PPIP5K2: variants seen among roughly 807,000 people sequenced by gnomAD.
PPIP5K2 encodes diphosphoinositol pentakisphosphate kinase 2, also known as inositol hexakisphosphate and diphosphoinositol-pentakisphosphate kinase 2.
PPIP5K2 carries 105 observed loss-of-function variants against 154.6 expected under a neutral mutation model. The observed-to-expected ratio is 0.68, with a 90% CI of 0.58 to 0.80. The LOEUF (loss-of-function observed/expected upper bound fraction) is 0.80, where lower values mean the gene tolerates loss of function less well. Ranked by LOEUF, PPIP5K2 falls within the 30% of genes least tolerant of loss-of-function variation. The pLI is 0.00. For missense variants in PPIP5K2, 992 were observed against 1,504.6 expected (o/e 0.66, Z 5.64); for synonymous variants, 480 against 490.3 (o/e 0.98, Z 0.28).
At chr5:103,144,209 G>A (rs1358678824) in intron 5 of PPIP5K2, among the ~76,000 whole-genome samples, 5 of 150,128 alleles carry the variant, frequency 3.3e-5, no homozygotes, top group Non-Finnish European at 7.4e-5. Context: ...TAAATACCTC[G>A]GAATTCACTT....
At chr5:103,121,666 A>G (rs1464371500) in intron 1 of PPIP5K2, among the ~76,000 whole-genome samples, 3 of 152,266 alleles carry the variant, frequency 2.0e-5, no homozygotes, top group Non-Finnish European at 2.9e-5. Context: ...AGAATTAAGT[A>G]GTGCAGAACC....
At chr5:103,190,199 C>A (rs1418615382) in intron 28 of PPIP5K2, among the ~76,000 whole-genome samples, 2 of 151,876 alleles carry the variant, frequency 1.3e-5, no homozygotes, top group African/African-American at 2.4e-5. Context: ...TAAATAGGAA[C>A]ATATTTGTAT....
chr5:103,157,379 G>A (rs945110675), intron 14 of PPIP5K2, among the ~76,000 whole-genome samples: 4 of 152,036 alleles, frequency 2.6e-5, no homozygotes, highest in Non-Finnish European at 2.9e-5. Context: ...TTTTGTTTGC[G>A]TAAAATTTAT....
chr5:103,180,491 A>G (rs1799344968), intron 24 of PPIP5K2, among the ~76,000 whole-genome samples: 1 of 152,046 alleles, frequency 6.6e-6, no homozygotes, highest in African/African-American at 2.4e-5. Flanking sequence ...GAATATTTAC[A>G]TTAGGTTGAT....
intron 28 of PPIP5K2, among the ~76,000 whole-genome samples, chr5:103,187,839 C>T (rs1800637568): frequency 2.0e-5 from 3 of 152,038 alleles, no homozygotes; most frequent in African/African-American, 4.8e-5. Flanking sequence ...TTGAAAAATT[C>T]CTGGGCACCT....
Position 103,201,416 on chromosome 5 carries a change from A to G in PPIP5K2, c.3620-106A>G, listed in dbSNP as rs1306887954. 4 of 656,044 alleles carry G rather than the reference A, an allele frequency of 6.1e-6. No individual in the cohort carries two copies. In the African/African-American group the frequency reaches 7.5e-5, roughly 12 times the overall value. 40.6% of individuals were successfully genotyped at this position (656,044 alleles called of 1,614,324 possible). The stretch of plus-strand genomic sequence containing the variant: ...TAAATTTTTACATTTCATTTACATC[A>G]CAATTATAACAAGAATTGTTTTGTC... On this transcript the variant is annotated intron_variant, in intron 30 of 30. Coordinates refer to ENST00000358359, the MANE Select transcript of PPIP5K2 (RefSeq NM_001276277.3).
Position 103,209,173 on chromosome 5 carries a change from T to C in PPIP5K2, c.*7539T>C, listed in dbSNP as rs1238341321. ...CTATTTGTTTTTGTTGTAATAGAGT[T>C]GTATATAGTCCAGATGTCAACCAGG... On this transcript the variant is annotated 3_prime_UTR_variant, in exon 31 of 31. Coordinates refer to ENST00000358359, the MANE Select transcript of PPIP5K2 (RefSeq NM_001276277.3). 2.0e-5 allele frequency: 3 copies of C among 152,150 alleles called. No individual in the cohort carries two copies. Among genetic ancestry groups the C allele is most frequent in the Non-Finnish European group, 4.4e-5 (3 of 68,034 alleles). The allele number at this position is 152,150 out of a possible 1,614,324, so 9.4% of individuals were successfully genotyped here.
rs188524021 is a variant in PPIP5K2 at position 103,170,598 on chromosome 5, C to T, written c.2286+2303C>T. On this transcript the variant is annotated intron_variant, in intron 19 of 30. Coordinates refer to ENST00000358359, the MANE Select transcript of PPIP5K2 (RefSeq NM_001276277.3). Reference sequence around the variant, plus strand: ...ATTTTATAAATTGAGGAGAGGACAACTTTGGGTTTATCTCCCTAACTTTTT... The same window carrying T: ...ATTTTATAAATTGAGGAGAGGACAATTTTGGGTTTATCTCCCTAACTTTTT... 3.2e-3 allele frequency among the ~76,000 whole-genome samples: 482 copies of T among 151,022 alleles called. 5 individuals carry two copies. Among genetic ancestry groups the T allele is most frequent in the African/African-American group, 0.011 (454 of 41,310 alleles).
At chr5:103,164,229 TAACA>T (rs1796789656) in intron 17 of PPIP5K2, among the ~76,000 whole-genome samples, 1 of 151,980 alleles carries the variant, frequency 6.6e-6, no homozygotes, top group African/African-American at 2.4e-5. Context: ...TTTTCTTTCA[TAACA>T]TTATACTTTT....
chr5:103,162,357 TTTTTTTTG>T (rs1796413458), intron 17 of PPIP5K2, among the ~76,000 whole-genome samples: 1 of 151,460 alleles, frequency 6.6e-6, no homozygotes, highest in African/African-American at 2.4e-5. Context: ...TTTCTTTTTT[TTTTTTTTG>T]TTTTTTTGTT....
At chr5:103,141,095 A>G (rs1443037530) in intron 5 of PPIP5K2, among the ~76,000 whole-genome samples, 1 of 152,122 alleles carries the variant, frequency 6.6e-6, no homozygotes, top group Admixed American at 6.5e-5. Flanking sequence ...ACACTTTGGG[A>G]GGCCGAGGTG....
chr5:103,145,253 T>C (rs1206537686), intron 5 of PPIP5K2, among the ~76,000 whole-genome samples: 1 of 151,896 alleles, frequency 6.6e-6, no homozygotes, highest in East Asian at 1.9e-4. Context: ...AGACAAGCAA[T>C]AAGAAATGTT....
chr5:103,146,312 T>A (rs1167916583), intron 5 of PPIP5K2, among the ~76,000 whole-genome samples: 1 of 152,044 alleles, frequency 6.6e-6, no homozygotes, highest in Non-Finnish European at 1.5e-5. Context: ...ATGGTAAGTC[T>A]GTAAAATTTT....
At chr5:103,128,673 C>CT (rs1158059143) in intron 1 of PPIP5K2, among the ~76,000 whole-genome samples, 18 of 151,516 alleles carry the variant, frequency 1.2e-4, no homozygotes, top group East Asian at 3.9e-4. Flanking sequence ...TGCACATGTA[C>CT]TTTTTTTTTC....
intron 2 of PPIP5K2, among the ~76,000 whole-genome samples, chr5:103,132,915 A>T (rs1445851983): frequency 6.6e-6 from 1 of 152,228 alleles, no homozygotes; most frequent in Non-Finnish European, 1.5e-5. Flanking sequence ...CTATGAAGAC[A>T]GGAGGGGCAA....
At chr5:103,123,318 A>G (rs1393418622) in intron 1 of PPIP5K2, among the ~76,000 whole-genome samples, 1 of 152,208 alleles carries the variant, frequency 6.6e-6, no homozygotes, top group African/African-American at 2.4e-5. Flanking sequence ...ACTTGCAGAA[A>G]AAGTTTTCAA....
chr5:103,162,343 G>A (rs1350438280), intron 17 of PPIP5K2, among the ~76,000 whole-genome samples: 4 of 145,132 alleles, frequency 2.8e-5, no homozygotes, highest in Admixed American at 7.0e-5. Flanking sequence ...ATGTCATGAT[G>A]TGTTTTCTTT....
chr5:103,146,395 T>G (rs1296030129), intron 5 of PPIP5K2, 132 bp from the exon 6 acceptor site: 1 of 882,452 alleles, frequency 1.1e-6, no homozygotes, highest in African/African-American at 1.7e-5. Context: ...CATGGATAAT[T>G]AAAATCAAGT....
At chr5:103,194,197 T>C (rs1801700910) in intron 29 of PPIP5K2, among the ~76,000 whole-genome samples, 1 of 151,886 alleles carries the variant, frequency 6.6e-6, no homozygotes, top group African/African-American at 2.4e-5. Flanking sequence ...AGACAGAGTC[T>C]TGCTCTGTCG....
Sources: gnomAD v4.1 joint callset for allele counts (sites outside exome capture counted in the v4.1 genomes callset) on GRCh38, gnomAD v4.1.1 for gene constraint, MANE v1.5 for transcripts, NCBI Gene and HGNC (gene_info 2026-07-23, HGNC 2026-07-21) for gene names.